The following FNDC3B variants were observed in gnomAD, a reference collection of about 807,000 sequenced individuals.
FNDC3B encodes the protein fibronectin type III domain-containing protein 3B.
A neutral mutation model predicts 151.5 loss-of-function variants in FNDC3B; 12 were observed. The observed-to-expected ratio is 0.08, with a 90% CI of 0.05 to 0.13. FNDC3B has a LOEUF of 0.13. FNDC3B is among the 10% of genes least tolerant of loss of function. The probability of loss-of-function intolerance (pLI) is 1.00; values close to 1 mark genes in which losing one functional copy is unlikely to be tolerated. For missense variants in FNDC3B, 1,214 were observed against 1,505.3 expected, an observed-to-expected ratio of 0.81 and a Z score of 3.20; for synonymous variants, 528 against 549.0, an observed-to-expected ratio of 0.96 and a Z score of 0.54.
intron 11 of FNDC3B, among the ~76,000 whole-genome samples, chr3:172,321,163 A>G (rs1002860314): frequency 1.3e-5 from 2 of 152,196 alleles, no homozygotes; most frequent in Non-Finnish European, 2.9e-5. Flanking sequence ...GTCCTTTGAA[A>G]TGTTCTTTTC....
chr3:172,389,419 A>G (rs1406693873), intron 25 of FNDC3B, among the ~76,000 whole-genome samples: 2 of 152,240 alleles, frequency 1.3e-5, no homozygotes, highest in African/African-American at 4.8e-5. Context: ...CAAGGTAGAC[A>G]AGCTATGAAG....
intron 3 of FNDC3B, among the ~76,000 whole-genome samples, chr3:172,162,579 T>G (rs911254512): frequency 3.9e-5 from 6 of 152,258 alleles, no homozygotes; most frequent in Admixed American, 2.6e-4. Flanking sequence ...CCAAAGCAGC[T>G]GTACCACTTT....
Position 172,378,367 on chromosome 3 carries a change from G to A in FNDC3B, c.3106G>A (p.Ala1036Thr), listed in dbSNP as rs1312299941. The A allele has an allele frequency of 6.2e-7, 1 of 1,614,000 alleles. No homozygotes were observed. The highest frequency in any genetic ancestry group is 1.7e-5 in the Admixed American group (1 of 60,008). ...YSFRIQAASE[A>T]GEGPFSETYT... ...CTTCAGAATCCAGGCAGCAAGCGAGGCTGGAGAAGGGCCCTTCTCAGAAAC... is the reference window on the plus strand; with the variant it reads ...CTTCAGAATCCAGGCAGCAAGCGAGACTGGAGAAGGGCCCTTCTCAGAAAC... Residue 1036 changes from alanine (A) to threonine (T), a missense_variant, in exon 24 of 26, where the codon GCT becomes ACT. Transcript: ENST00000415807.
intron 1 of FNDC3B, among the ~76,000 whole-genome samples, chr3:172,098,751 G>T (rs1333152679): frequency 6.6e-6 from 1 of 152,224 alleles, no homozygotes; most frequent in Non-Finnish European, 1.5e-5. Context: ...CGGGGGAATG[G>T]TTGTGAACAA....
At position 172,295,530 on chromosome 3, in the gene FNDC3B, A is replaced by G. The variant is rs374191084; in HGVS notation, c.1001+16A>G. ...TAATTTACAGGTTGTGTATGTTTCTATTGTTTTTCTTTGCTGCTAAACTGT... is the reference window on the plus strand; with the variant it reads ...TAATTTACAGGTTGTGTATGTTTCTGTTGTTTTTCTTTGCTGCTAAACTGT... On this transcript the variant is annotated intron_variant, in intron 8 of 25. Transcript: ENST00000415807. 5.7e-5 allele frequency: 92 copies of G among 1,609,568 alleles called. 1 individual carries two copies. In the Middle Eastern group the frequency reaches 2.3e-3, roughly 40 times the overall value.
At chr3:172,321,574 T>A in intron 11 of FNDC3B, 1 of 186,900 alleles carries the variant, frequency 5.4e-6, no homozygotes, top group Non-Finnish European at 1.1e-5. Flanking sequence ...AGGGTCTTGC[T>A]CTGTTGCCCA....
intron 4 of FNDC3B, among the ~76,000 whole-genome samples, chr3:172,239,508 C>T (rs1727356225): frequency 6.6e-6 from 1 of 152,154 alleles, no homozygotes; most frequent in African/African-American, 2.4e-5. Context: ...GGCAAACTGG[C>T]TGCCAGCACA....
intron 23 of FNDC3B, among the ~76,000 whole-genome samples, chr3:172,370,348 A>C (rs1467630623): frequency 1.3e-5 from 2 of 152,218 alleles, no homozygotes; most frequent in Non-Finnish European, 2.9e-5. Context: ...GGAACATTTA[A>C]AGATTTAACA....
chr3:172,050,779 G>C (rs77538347), intron 1 of FNDC3B, among the ~76,000 whole-genome samples: 2 of 151,466 alleles, frequency 1.3e-5, no homozygotes, highest in South Asian at 2.1e-4. Context: ...TAGTGTGTGT[G>C]TATATATATT....
intron 1 of FNDC3B, among the ~76,000 whole-genome samples, chr3:172,054,896 C>T (rs1716837697): frequency 6.6e-6 from 1 of 152,122 alleles, no homozygotes; most frequent in African/African-American, 2.4e-5. Flanking sequence ...CTTAAGAGTA[C>T]ATAGTTTCTT....
chr3:172,344,071 AT>A lies in FNDC3B; in HGVS notation c.2078-13del. 1 of 1,600,062 alleles carries A rather than the reference AT, an allele frequency of 6.2e-7. No individual in the cohort carries two copies. Among genetic ancestry groups the A allele is most frequent in the Non-Finnish European group, 8.5e-7 (1 of 1,172,314 alleles). ...CACAAAGTGTTCTAAGATGAAAAAAATTCTTCATTCCCAGATGTTCCTGCAT... is the reference window on the plus strand; with the variant it reads ...CACAAAGTGTTCTAAGATGAAAAAAATCTTCATTCCCAGATGTTCCTGCAT... On this transcript the variant is annotated splice_polypyrimidine_tract_variant and intron_variant, in intron 18 of 25. Transcript: ENST00000415807.
intron 2 of FNDC3B, among the ~76,000 whole-genome samples, chr3:172,114,399 A>G (rs1328858297): frequency 6.6e-6 from 1 of 152,168 alleles, no homozygotes; most frequent in Admixed American, 6.5e-5. Context: ...TGGTCACCTC[A>G]TTCCCATTTG....
At chr3:172,238,480 A>G (rs1165711834) in intron 4 of FNDC3B, among the ~76,000 whole-genome samples, 1 of 152,210 alleles carries the variant, frequency 6.6e-6, no homozygotes, top group Non-Finnish European at 1.5e-5. Context: ...TAAGTCAAGT[A>G]GCTTAATCTA....
chr3:172,124,924 T>A (rs1720736728), intron 2 of FNDC3B, among the ~76,000 whole-genome samples: 1 of 152,196 alleles, frequency 6.6e-6, no homozygotes, highest in Admixed American at 6.5e-5. Context: ...GCGGCAGTCA[T>A]CTTTATAGAC....
At chr3:172,223,811 A>T (rs539513100) in intron 3 of FNDC3B, among the ~76,000 whole-genome samples, 1 of 152,376 alleles carries the variant, frequency 6.6e-6, no homozygotes, top group East Asian at 1.9e-4. Flanking sequence ...AGCAACCAAA[A>T]CTATCTATAA....
intron 2 of FNDC3B, among the ~76,000 whole-genome samples, chr3:172,123,533 G>A (rs781613653): frequency 2.0e-5 from 3 of 152,050 alleles, no homozygotes; most frequent in Admixed American, 6.6e-5. Context: ...TCTTTATATT[G>A]GAGTGTTGAG....
intron 3 of FNDC3B, among the ~76,000 whole-genome samples, chr3:172,148,152 CATAATA>C (rs1276758652): frequency 6.6e-6 from 1 of 151,902 alleles, no homozygotes; most frequent in African/African-American, 2.4e-5. Context: ...TCAGTTTCCC[CATAATA>C]AGAATAAATA....
At chr3:172,341,606 A>C (rs1178127756) in intron 17 of FNDC3B, among the ~76,000 whole-genome samples, 1 of 152,260 alleles carries the variant, frequency 6.6e-6, no homozygotes, top group African/African-American at 2.4e-5. Context: ...CCTGCACAGC[A>C]CTGCTGTTAC....
intron 9 of FNDC3B, chr3:172,307,085 A>T (rs1402598018): frequency 3.3e-6 from 1 of 306,068 alleles, no homozygotes. Context: ...GTTAAGGTTT[A>T]TTTTCTTACT....
Sources: allele counts gnomAD v4.1 joint callset (sites outside exome capture counted in the v4.1 genomes callset), GRCh38; gene constraint gnomAD v4.1.1; transcripts MANE v1.5; gene names NCBI Gene and HGNC (gene_info 2026-07-23, HGNC 2026-07-21).